Variants in UVRAG observed in about 807,000 individuals in gnomAD.
The protein encoded by UVRAG is UV radiation resistance-associated gene protein.
UVRAG carries 19 observed loss-of-function variants against 78.0 expected under a neutral mutation model. The observed-to-expected ratio is 0.24, with a 90% CI of 0.17 to 0.36. UVRAG has a LOEUF of 0.36. UVRAG is among the 10% of genes least tolerant of loss of function. The pLI, the probability that UVRAG is intolerant of heterozygous loss-of-function variation, is 1.00. For synonymous variants in UVRAG, 323 were observed against 324.6 expected, an observed-to-expected ratio of 1.00 and a Z score of 0.05; for missense variants, 740 against 853.8, an observed-to-expected ratio of 0.87 and a Z score of 1.66.
chr11:75,998,797 A>G (rs1312683920), intron 8 of UVRAG, among the ~76,000 whole-genome samples: 7 of 152,234 alleles, frequency 4.6e-5, no homozygotes. Flanking sequence ...ACTAGCTTGC[A>G]GTTTCTTCTG....
At chr11:76,105,636 A>G (rs942586786) in intron 13 of UVRAG, among the ~76,000 whole-genome samples, 4 of 151,632 alleles carry the variant, frequency 2.6e-5, no homozygotes, top group African/African-American at 4.9e-5. Flanking sequence ...TGTAGTCCCA[A>G]CTACTCAGGA....
chr11:76,120,387 A>T (rs1451853052), intron 14 of UVRAG, among the ~76,000 whole-genome samples: 5 of 151,796 alleles, frequency 3.3e-5, no homozygotes, highest in Admixed American at 3.3e-4. Context: ...TTATTTACAT[A>T]TAAATGCTTC....
At chr11:75,980,743 G>C (rs560976637) in intron 7 of UVRAG, among the ~76,000 whole-genome samples, 1 of 149,958 alleles carries the variant, frequency 6.7e-6, no homozygotes, top group Non-Finnish European at 1.5e-5. Context: ...GTGTAATGGC[G>C]TGACCTCGAC....
intron 6 of UVRAG, among the ~76,000 whole-genome samples, chr11:75,938,388 C>T (rs1948420353): frequency 6.6e-6 from 1 of 152,162 alleles, no homozygotes; most frequent in Non-Finnish European, 1.5e-5. Context: ...TCCTACTTCT[C>T]TGCATATACA....
In UVRAG at chr11:75,839,862, T is replaced by TATATAGAG. The variant is rs146855804; in HGVS notation, c.118-12020_118-12019insTATAGAGA. Reference sequence around the variant, plus strand: ...ATACACACCCCCACACATATATATATAGAGAGAGAGAGAGAGAGAAAGAGA... The same window carrying TATATAGAG: ...ATACACACCCCCACACATATATATATATATAGAGAGAGAGAGAGAGAGAGAGAAAGAGA... On this transcript the variant is annotated intron_variant, in intron 1 of 14. Transcript: ENST00000356136. Among the ~76,000 whole-genome samples the TATATAGAG allele has an allele frequency of 1.4e-3, 213 of 149,034 alleles. No individual in the cohort carries two copies. In the East Asian group the frequency reaches 0.015, roughly 11 times the overall value.
chr11:75,828,085 C>T (rs544635616), intron 1 of UVRAG, among the ~76,000 whole-genome samples: 1 of 152,092 alleles, frequency 6.6e-6, no homozygotes, highest in South Asian at 2.1e-4. Context: ...GTGGGGTGCT[C>T]ATTACAGGTC....
chr11:76,100,251 C>T (rs534604095), intron 13 of UVRAG, among the ~76,000 whole-genome samples: 10 of 152,244 alleles, frequency 6.6e-5, no homozygotes, highest in Admixed American at 6.5e-4. Context: ...GTGTTGCTAA[C>T]CCTTTCCCCT....
intron 1 of UVRAG, among the ~76,000 whole-genome samples, chr11:75,826,004 T>C (rs1220520126): frequency 2.0e-5 from 3 of 151,906 alleles, no homozygotes; most frequent in Non-Finnish European, 2.9e-5. Context: ...GCTCGGCTAA[T>C]TTTTGTAATT....
intron 12 of UVRAG, among the ~76,000 whole-genome samples, chr11:76,031,699 C>T (rs1358327578): frequency 6.6e-6 from 1 of 152,122 alleles, no homozygotes; most frequent in African/African-American, 2.4e-5. Flanking sequence ...AAAATAGAGT[C>T]CAGTGTAATG....
At chr11:75,974,401 C>G (rs1949191062) in intron 7 of UVRAG, among the ~76,000 whole-genome samples, 1 of 145,082 alleles carries the variant, frequency 6.9e-6, no homozygotes, top group African/African-American at 2.6e-5. Flanking sequence ...GCTCTGTCGC[C>G]CAGGCCGGAC....
At chr11:76,112,099 G>A (rs959655979) in intron 13 of UVRAG, among the ~76,000 whole-genome samples, 1 of 152,046 alleles carries the variant, frequency 6.6e-6, no homozygotes, top group Non-Finnish European at 1.5e-5. Flanking sequence ...AATGAAAACA[G>A]ACTGAAAATG....
intron 3 of UVRAG, among the ~76,000 whole-genome samples, chr11:75,870,966 T>G (rs1946634999): frequency 6.6e-6 from 1 of 151,762 alleles, no homozygotes; most frequent in Non-Finnish European, 1.5e-5. Flanking sequence ...GCCTCCAAGG[T>G]ACAAGCGATT....
At chr11:76,003,974 T>C (rs1949873360) in intron 8 of UVRAG, 31 bp from the exon 9 acceptor site, 1 of 1,586,402 alleles carries the variant, frequency 6.3e-7, no homozygotes, top group African/African-American at 1.3e-5. Context: ...CTATGTTACA[T>C]ATGGAATTAT....
At chr11:75,908,984 C>T (rs547867964) in intron 5 of UVRAG, among the ~76,000 whole-genome samples, 3 of 152,088 alleles carry the variant, frequency 2.0e-5, no homozygotes, top group African/African-American at 4.8e-5. Context: ...TTGGTAATAA[C>T]GTTCCCACTT....
chr11:75,965,606 C>T (rs1410399738), intron 7 of UVRAG, among the ~76,000 whole-genome samples: 4 of 152,190 alleles, frequency 2.6e-5, no homozygotes, highest in Non-Finnish European at 4.4e-5. Flanking sequence ...TGAGCCACCG[C>T]GCCCGGCAGA....
At chr11:75,959,494 C>T (rs1948869975) in intron 6 of UVRAG, among the ~76,000 whole-genome samples, 1 of 152,200 alleles carries the variant, frequency 6.6e-6, no homozygotes, top group African/African-American at 2.4e-5. Flanking sequence ...TTACCTCTCT[C>T]AGCCTTCAAA....
chr11:76,129,320 G>A (rs1447208034), intron 14 of UVRAG, among the ~76,000 whole-genome samples: 2 of 152,218 alleles, frequency 1.3e-5, no homozygotes, highest in African/African-American at 2.4e-5. Context: ...AAGGAATCTT[G>A]TTATTACAGC....
chr11:75,845,284 C>T (rs185141804), intron 1 of UVRAG, among the ~76,000 whole-genome samples: 2 of 152,218 alleles, frequency 1.3e-5, no homozygotes, highest in Non-Finnish European at 2.9e-5. Flanking sequence ...TAGAGCACAA[C>T]TCAGCCACCT....
chr11:75,815,601 C>T, intron 1 of UVRAG, 77 bp downstream of exon 1: 1 of 956,790 alleles, frequency 1.0e-6, no homozygotes, highest in Non-Finnish European at 1.4e-6. Flanking sequence ...TCCGGGCTGA[C>T]CCCGCGAGCC....
Sources: allele counts gnomAD v4.1 joint callset (sites outside exome capture counted in the v4.1 genomes callset), GRCh38; gene constraint gnomAD v4.1.1; transcripts MANE v1.5; gene names NCBI Gene and HGNC (gene_info 2026-07-23, HGNC 2026-07-21).